CREBRF: variants seen among roughly 807,000 people sequenced by gnomAD.
The protein encoded by CREBRF is CREB3 regulatory factor, also known as UPF0474 protein C5orf41.
In CREBRF, 5 loss-of-function variants were observed where a neutral mutation model predicts 66.1. The ratio of observed to expected loss-of-function variants is 0.08; its 90% CI spans 0.04 to 0.16. CREBRF has a LOEUF of 0.16. Among genes scored for constraint, CREBRF ranks in the 10% least tolerant of loss-of-function variants. The pLI is 1.00. For missense variants in CREBRF, 531 were observed against 744.9 expected (o/e 0.71, Z 3.34); for synonymous variants, 229 against 264.4 (o/e 0.87, Z 1.30).
intron 1 of CREBRF, among the ~76,000 whole-genome samples, chr5:173,080,357 T>C (rs1369001171): frequency 6.6e-6 from 1 of 151,740 alleles, no homozygotes; most frequent in Non-Finnish European, 1.5e-5. Context: ...ATGTTGCCAA[T>C]TGGTTATTGA....
In CREBRF at chr5:173,059,256, C is replaced by CT. The variant is rs780723745; in HGVS notation, c.-192+2785dup. 2.6e-3 allele frequency among the ~76,000 whole-genome samples: 306 copies of CT among 117,556 alleles called. 17 individuals carry two copies. Among genetic ancestry groups the CT allele is most frequent in the African/African-American group, 7.6e-3 (238 of 31,274 alleles). 77.1% of individuals were successfully genotyped at this position (117,556 alleles called of 152,430 possible). On this transcript the variant is annotated intron_variant, in intron 1 of 8. Transcript: ENST00000296953. ...AGCTTATTTATCAGTTCTTCTTTTT[C>CT]TTTTTTTTCTTTTTTTTTTTTTTTT...
intron 2 of CREBRF, among the ~76,000 whole-genome samples, chr5:173,081,638 G>A (rs934751199): frequency 6.6e-6 from 1 of 152,106 alleles, no homozygotes; most frequent in Non-Finnish European, 1.5e-5. Context: ...AAGACCAGCG[G>A]CCGGCTAGGC....
Position 173,130,963 on chromosome 5 carries a change from A to T in CREBRF, c.1805-2667A>T, listed in dbSNP as rs900253119. 9.2e-5 allele frequency among the ~76,000 whole-genome samples: 14 copies of T among 152,144 alleles called. No homozygotes were observed. In the South Asian group the frequency reaches 1.9e-3, roughly 20 times the overall value. On this transcript the variant is annotated intron_variant, in intron 8 of 8. Transcript: ENST00000296953. ...CCCAAGTGATCCGCCCACCTTGGCC[A>T]CCCAAAGTGCTGGGATTACGGGCAT...
intron 1 of CREBRF, among the ~76,000 whole-genome samples, chr5:173,069,542 G>A (rs550124812): frequency 1.3e-5 from 2 of 152,014 alleles, no homozygotes; most frequent in Non-Finnish European, 2.9e-5. Flanking sequence ...GGCTGGTCTC[G>A]AACTCCTGGC....
At chr5:173,060,075 T>A (rs2113649889) in intron 1 of CREBRF, among the ~76,000 whole-genome samples, 1 of 152,238 alleles carries the variant, frequency 6.6e-6, no homozygotes, top group African/African-American at 2.4e-5. Context: ...TAAATACAAG[T>A]GACAGTGAAG....
chr5:173,123,898 C>T (rs971341538), intron 8 of CREBRF: 6 of 152,232 alleles, frequency 3.9e-5, no homozygotes, highest in Admixed American at 3.3e-4. Context: ...TTTTCCTCAG[C>T]AATCACTTAC....
chr5:173,077,836 T>A (rs1490954403), intron 1 of CREBRF, among the ~76,000 whole-genome samples: 1 of 152,214 alleles, frequency 6.6e-6, no homozygotes. Context: ...TTTGTCCTTT[T>A]GTGTCTATTT....
At chr5:173,110,736 T>C in intron 6 of CREBRF, 25 bp downstream of exon 6, 1 of 1,577,130 alleles carries the variant, frequency 6.3e-7, no homozygotes, top group South Asian at 1.2e-5. Flanking sequence ...TGTTCACTCA[T>C]GTGAAGAAAG....
intron 5 of CREBRF, 21 bp from the exon 6 acceptor site, chr5:173,110,501 C>T (rs1699602858): frequency 6.3e-7 from 1 of 1,583,664 alleles, no homozygotes; most frequent in Non-Finnish European, 8.7e-7. Context: ...CTGACTTAAA[C>T]TTCTTTTAAA....
chr5:173,089,371 T>C (rs1758261474), intron 3 of CREBRF, among the ~76,000 whole-genome samples: 1 of 152,058 alleles, frequency 6.6e-6, no homozygotes, highest in East Asian at 1.9e-4. Context: ...TAAACATATG[T>C]ATATAGTTTT....
intron 8 of CREBRF, among the ~76,000 whole-genome samples, chr5:173,132,734 G>A: frequency 6.7e-6 from 1 of 148,994 alleles, no homozygotes; most frequent in Non-Finnish European, 1.5e-5. Context: ...CGAGTAGCTG[G>A]GATTATAGAC....
At chr5:173,121,407 C>T (rs1005875364) in intron 7 of CREBRF, among the ~76,000 whole-genome samples, 2 of 151,566 alleles carry the variant, frequency 1.3e-5, no homozygotes, top group Non-Finnish European at 2.9e-5. Context: ...ACTGCAAGCT[C>T]CGCCTCCTGA....
At chr5:173,074,827 G>A (rs1325018131) in intron 1 of CREBRF, among the ~76,000 whole-genome samples, 1 of 151,966 alleles carries the variant, frequency 6.6e-6, no homozygotes, top group Non-Finnish European at 1.5e-5. Context: ...CGCCATGTTG[G>A]CCAGGCTGGT....
chr5:173,122,035 G>T (rs759783902), intron 7 of CREBRF, among the ~76,000 whole-genome samples: 5 of 151,904 alleles, frequency 3.3e-5, no homozygotes, highest in Non-Finnish European at 5.9e-5. Flanking sequence ...TGGCTACAGT[G>T]TGTTATCAAA....
At chr5:173,070,326 C>CCTGTTTTTATGCCG (rs1757561195) in intron 1 of CREBRF, among the ~76,000 whole-genome samples, 1 of 152,120 alleles carries the variant, frequency 6.6e-6, no homozygotes. Flanking sequence ...TGCACCACTG[C>CCTGTTTTTATGCCG]CTGTTTTTAT....
intron 7 of CREBRF, among the ~76,000 whole-genome samples, chr5:173,121,329 T>C (rs1759134533): frequency 2.0e-5 from 2 of 102,152 alleles, no homozygotes; most frequent in South Asian, 7.8e-4. Context: ...GTTAACTTGC[T>C]TTTTTTTTTT....
At chr5:173,131,412 C>T (rs2113809958) in intron 8 of CREBRF, among the ~76,000 whole-genome samples, 1 of 152,154 alleles carries the variant, frequency 6.6e-6, no homozygotes, top group African/African-American at 2.4e-5. Flanking sequence ...GTGTGTGATC[C>T]AGTCGAGGAT....
In CREBRF at chr5:173,090,189, T is replaced by G. The variant is rs1758285703; in HGVS notation, c.136-126T>G. On this transcript the variant is annotated intron_variant, in intron 3 of 8. Coordinates refer to ENST00000296953, the MANE Select transcript of CREBRF (RefSeq NM_153607.3). The surrounding 1 kb of genome is among the most constrained non-coding windows in gnomAD (Gnocchi z 4.5). ...TGACATTATATGAAATGATAAAGCG[T>G]CCTGTCAGTAGCCTTTATGTTAAAA... is the stretch of plus-strand genomic sequence containing the variant. 1 of 612,830 alleles carries G rather than the reference T, an allele frequency of 1.6e-6. No individual in the cohort carries two copies. Among genetic ancestry groups the G allele is most frequent in the South Asian group, 3.3e-5 (1 of 30,324 alleles). 38.0% of individuals were successfully genotyped at this position (612,830 alleles called of 1,614,324 possible). A position where few individuals can be genotyped will look rare whatever the true frequency, so the allele number is the denominator to read the frequency against.
intron 4 of CREBRF, among the ~76,000 whole-genome samples, chr5:173,098,140 G>A (rs972017716): frequency 6.7e-6 from 1 of 150,242 alleles, no homozygotes; most frequent in South Asian, 2.1e-4. Context: ...GGTTGTTCAG[G>A]AGTTTGTTGT....
Sources: allele counts gnomAD v4.1 joint callset (sites outside exome capture counted in the v4.1 genomes callset), GRCh38; gene constraint gnomAD v4.1.1; non-coding constraint Gnocchi (gnomAD v3.1); transcripts MANE v1.5; gene names NCBI Gene and HGNC (gene_info 2026-07-23, HGNC 2026-07-21).